The following RGS17 variants were observed in gnomAD, a reference collection of about 807,000 sequenced individuals.
The protein encoded by RGS17 is regulator of G-protein signaling 17.
RGS17 carries 12 observed loss-of-function variants against 25.5 expected under a neutral mutation model. The ratio of observed to expected loss-of-function variants is 0.47; its 90% CI spans 0.30 to 0.76. The LOEUF is 0.76. Among genes scored for constraint, RGS17 ranks in the 30% least tolerant of loss-of-function variants. The pLI, the probability that RGS17 is intolerant of heterozygous loss-of-function variation, is 0.07. For missense variants in RGS17, 196 were observed against 242.2 expected (o/e 0.81, Z 1.27); for synonymous variants, 71 against 76.9 (o/e 0.92, Z 0.40).
intron 4 of RGS17, among the ~76,000 whole-genome samples, chr6:153,022,653 A>C (rs868500098): frequency 1.2e-4 from 19 of 152,242 alleles, no homozygotes; most frequent in Non-Finnish European, 2.4e-4. Flanking sequence ...CAGGCAAAAG[A>C]AGCACATATT....
At chr6:153,111,272 T>C (rs1777465892) in intron 1 of RGS17, among the ~76,000 whole-genome samples, 3 of 152,100 alleles carry the variant, frequency 2.0e-5, no homozygotes. Context: ...CGTCCGCCAT[T>C]ACTGAGGCTT....
intron 1 of RGS17, among the ~76,000 whole-genome samples, chr6:153,077,420 C>T (rs189948405): frequency 8.9e-4 from 135 of 152,240 alleles, no homozygotes; most frequent in African/African-American, 3.1e-3. Flanking sequence ...AGAATTATTG[C>T]TAATTTGACT....
chr6:153,099,731 C>G (rs546735989), intron 1 of RGS17, among the ~76,000 whole-genome samples: 21 of 152,274 alleles, frequency 1.4e-4, no homozygotes, highest in African/African-American at 5.1e-4. Context: ...TAAGCGTAAG[C>G]AGATTACCTA....
chr6:153,063,533 T>C (rs796157862), intron 1 of RGS17, among the ~76,000 whole-genome samples: 10 of 151,868 alleles, frequency 6.6e-5, no homozygotes, highest in African/African-American at 2.4e-4. Flanking sequence ...AAATATGCAG[T>C]CAGAGGAGAA....
rs547435233 is a variant in RGS17, at chr6:153,098,783, T to C, written c.-26+32341A>G. 8.5e-5 allele frequency among the ~76,000 whole-genome samples: 13 copies of C among 152,320 alleles called. No individual in the cohort carries two copies. In the East Asian group the frequency reaches 2.5e-3, roughly 29 times the overall value. On this transcript the variant is annotated intron_variant, in intron 1 of 4. Coordinates refer to ENST00000206262, the MANE Select transcript of RGS17 (RefSeq NM_012419.5). ...GGGACCTCAAAAATCAGATTTTTAA[T>C]AAAGTTGCTTCCAATAAGAATACTA...
chr6:153,028,823 A>G (rs1779330734), intron 2 of RGS17, among the ~76,000 whole-genome samples: 1 of 152,148 alleles, frequency 6.6e-6, no homozygotes, highest in South Asian at 2.1e-4. Flanking sequence ...AAACTCCTTG[A>G]GTTTATTTTT....
At chr6:153,084,348 T>G (rs1478942164) in intron 1 of RGS17, among the ~76,000 whole-genome samples, 1 of 152,198 alleles carries the variant, frequency 6.6e-6, no homozygotes, top group Non-Finnish European at 1.5e-5. Context: ...TTTTCTATTT[T>G]ATTCTAGAGT....
chr6:153,128,813 C>T (rs1236803728), intron 1 of RGS17, among the ~76,000 whole-genome samples: 1 of 151,822 alleles, frequency 6.6e-6, no homozygotes, highest in African/African-American at 2.4e-5. Context: ...GAGGAAGAGC[C>T]CTACAACCAA....
At chr6:153,095,449 TAAA>T (rs1008057225) in intron 1 of RGS17, among the ~76,000 whole-genome samples, 4 of 152,206 alleles carry the variant, frequency 2.6e-5, no homozygotes, top group Non-Finnish European at 4.4e-5. Flanking sequence ...AATGCACACT[TAAA>T]AAAATAAATT....
chr6:153,081,350 T>C (rs1364031655), intron 1 of RGS17, among the ~76,000 whole-genome samples: 2 of 152,278 alleles, frequency 1.3e-5, no homozygotes, highest in African/African-American at 2.4e-5. Context: ...CTGTATTCTT[T>C]ATTCTGAACT....
intron 1 of RGS17, among the ~76,000 whole-genome samples, chr6:153,109,217 CCTT>C (rs1777431123): frequency 1.3e-5 from 2 of 152,084 alleles, no homozygotes; most frequent in South Asian, 2.1e-4. Context: ...CTGTTTATCC[CCTT>C]CTTTTGAATG....
At chr6:153,041,015 A>G (rs78743963) in intron 2 of RGS17, among the ~76,000 whole-genome samples, 65 of 144,096 alleles carry the variant, frequency 4.5e-4, no homozygotes, top group Non-Finnish European at 8.5e-4. Flanking sequence ...AAAAAAAAAA[A>G]TTAGCCAGGT....
intron 1 of RGS17, among the ~76,000 whole-genome samples, chr6:153,053,463 A>G (rs1776489339): frequency 6.6e-6 from 1 of 152,160 alleles, no homozygotes; most frequent in Non-Finnish European, 1.5e-5. Context: ...TCATTTCTTT[A>G]AAAAAGATCT....
intron 1 of RGS17, among the ~76,000 whole-genome samples, chr6:153,088,899 C>T (rs1035842002): frequency 6.6e-6 from 1 of 151,044 alleles, no homozygotes; most frequent in African/African-American, 2.4e-5. Flanking sequence ...CTAGGGTAAA[C>T]ACTGCAGCTG....
intron 2 of RGS17, among the ~76,000 whole-genome samples, chr6:153,038,705 T>C (rs958935304): frequency 2.6e-5 from 4 of 152,172 alleles, no homozygotes; most frequent in African/African-American, 9.7e-5. Flanking sequence ...CAGGCATGGA[T>C]TTTTGTTTTT....
intron 4 of RGS17, among the ~76,000 whole-genome samples, chr6:153,021,845 G>A (rs1215487219): frequency 6.6e-6 from 1 of 152,162 alleles, no homozygotes; most frequent in Non-Finnish European, 1.5e-5. Flanking sequence ...TTCTGGAAAG[G>A]TCATGTTCTT....
At chr6:153,012,616 A>G (rs1227669517) in intron 4 of RGS17, among the ~76,000 whole-genome samples, 1 of 152,182 alleles carries the variant, frequency 6.6e-6, no homozygotes, top group Non-Finnish European at 1.5e-5. Flanking sequence ...GAACAGAACT[A>G]AAGCCCTGCG....
At chr6:153,052,668 A>G (rs554667916) in intron 1 of RGS17, among the ~76,000 whole-genome samples, 9 of 152,248 alleles carry the variant, frequency 5.9e-5, no homozygotes, top group African/African-American at 1.7e-4. Flanking sequence ...TTGAGAACCA[A>G]TGCTAGAACA....
In RGS17 at chr6:153,130,232, G is replaced by C. The variant is rs1777766370; in HGVS notation, c.-26+892C>G. On this transcript the variant is annotated intron_variant, in intron 1 of 4. Coordinates refer to ENST00000206262, the MANE Select transcript of RGS17 (RefSeq NM_012419.5). This position sits in a 1 kb window ranked among gnomAD's most constrained non-coding sequence, Gnocchi z 6.4. The stretch of plus-strand genomic sequence containing the variant: ...GCAGCACTCGATGAGGGACAGCAGG[G>C]AGGCTGGCGGGGAGGCAGAGATTAA... Among the ~76,000 whole-genome samples, 1 of 152,208 alleles carries C rather than the reference G, an allele frequency of 6.6e-6. No individual in the cohort carries two copies. The highest frequency in any genetic ancestry group is 1.5e-5 in the Non-Finnish European group (1 of 68,040).
Sources: allele counts gnomAD v4.1 joint callset (sites outside exome capture counted in the v4.1 genomes callset), GRCh38; gene constraint gnomAD v4.1.1; non-coding constraint Gnocchi (gnomAD v3.1); transcripts MANE v1.5; gene names NCBI Gene and HGNC (gene_info 2026-07-23, HGNC 2026-07-21).